P4HA1: variants seen among roughly 807,000 people sequenced by gnomAD.
P4HA1 encodes the protein prolyl 4-hydroxylase subunit alpha 1, also known as prolyl 4-hydroxylase subunit alpha-1.
Under a neutral mutation model 72.8 loss-of-function variants are expected in P4HA1, and 24 were observed. That is an observed-to-expected ratio of 0.33 (90% CI 0.24 to 0.46). P4HA1 has a LOEUF of 0.46. P4HA1 is among the 20% of genes least tolerant of loss of function. The probability of loss-of-function intolerance (pLI) is 1.00; values close to 1 mark genes in which losing one functional copy is unlikely to be tolerated. For missense variants in P4HA1, 446 were observed against 640.6 expected (o/e 0.70, Z 3.28); for synonymous variants, 201 against 218.8 (o/e 0.92, Z 0.72).
intron 7 of P4HA1, among the ~76,000 whole-genome samples, chr10:73,048,873 G>A (rs1045651062): frequency 2.0e-5 from 3 of 152,066 alleles, no homozygotes; most frequent in Non-Finnish European, 2.9e-5. Flanking sequence ...AGTGGCTCAC[G>A]CCTGTAATCC....
intron 9 of P4HA1, 82 bp downstream of exon 9, chr10:73,044,899 C>G: frequency 8.8e-7 from 1 of 1,131,484 alleles, no homozygotes; most frequent in South Asian, 1.4e-5. Flanking sequence ...GAAAATGACC[C>G]ACTTTCCTTA....
Position 73,073,687 on chromosome 10 carries a change from ATCCAGGTTGAGTCAGAGTCATAATAAGC to A in P4HA1, c.173+16_173+43del. 1.1e-6 allele frequency: 1 copy of A among 909,300 alleles called. No individual in the cohort carries two copies. Among genetic ancestry groups the A allele is most frequent in the East Asian group, 2.4e-5 (1 of 41,598 alleles). The allele number at this position is 909,300 out of a possible 1,614,324, so 56.3% of individuals were successfully genotyped here. ...AATATTTTAGCTTGAGAAAGAAAAC[ATCCAGGTTGAGTCAGAGTCATAATAAGC>A]AAACATTTTGCTTACTTTTTTATTT... is the stretch of plus-strand genomic sequence containing the variant. On this transcript the variant is annotated intron_variant, in intron 3 of 14. Coordinates refer to ENST00000394890, the MANE Select transcript of P4HA1 (RefSeq NM_001017962.3).
intron 10 of P4HA1, among the ~76,000 whole-genome samples, chr10:73,018,756 C>G (rs1344270238): frequency 6.6e-6 from 1 of 152,106 alleles, no homozygotes; most frequent in African/African-American, 2.4e-5. Flanking sequence ...TCCTCTCTTC[C>G]CTGGAGTTGG....
chr10:73,017,432 C>G (rs1840037341), intron 10 of P4HA1, among the ~76,000 whole-genome samples: 1 of 152,244 alleles, frequency 6.6e-6, no homozygotes, highest in East Asian at 1.9e-4. Flanking sequence ...CCTCCCACTT[C>G]AGCCTCCTGA....
intron 5 of P4HA1, among the ~76,000 whole-genome samples, chr10:73,056,772 T>C (rs555888685): frequency 5.1e-4 from 77 of 152,080 alleles, no homozygotes; most frequent in Non-Finnish European, 9.3e-4. Context: ...GGTTAAAATG[T>C]AGATTAAGGC....
chr10:73,091,304 C>CT (rs1041217434), intron 1 of P4HA1, among the ~76,000 whole-genome samples: 1 of 151,848 alleles, frequency 6.6e-6, no homozygotes, highest in East Asian at 1.9e-4. Flanking sequence ...GAAATACCAA[C>CT]TTTTTTTGTT....
chr10:73,066,070 T>C (rs1182065414), intron 5 of P4HA1, among the ~76,000 whole-genome samples: 2 of 152,222 alleles, frequency 1.3e-5, no homozygotes, highest in Non-Finnish European at 2.9e-5. Context: ...AGAATAGTCA[T>C]TACCTCTAAA....
At chr10:73,061,527 A>G (rs2133114304) in intron 5 of P4HA1, among the ~76,000 whole-genome samples, 1 of 152,356 alleles carries the variant, frequency 6.6e-6, no homozygotes, top group East Asian at 1.9e-4. Flanking sequence ...GAGAAATAAT[A>G]TTGACTGGGT....
intron 10 of P4HA1, among the ~76,000 whole-genome samples, chr10:73,023,553 T>A (rs888560514): frequency 6.6e-6 from 1 of 152,114 alleles, no homozygotes; most frequent in African/African-American, 2.4e-5. Context: ...TGCCAAATTA[T>A]AAAGACCATC....
chr10:73,017,441 G>A (rs1840037497), intron 10 of P4HA1, among the ~76,000 whole-genome samples: 2 of 152,002 alleles, frequency 1.3e-5, no homozygotes, highest in African/African-American at 4.8e-5. Flanking sequence ...TCAGCCTCCT[G>A]AGTAGCTGGG....
chr10:73,041,310 C>T (rs532934116), intron 9 of P4HA1, among the ~76,000 whole-genome samples: 8 of 152,064 alleles, frequency 5.3e-5, no homozygotes, highest in African/African-American at 1.7e-4. Flanking sequence ...TTTGGGAGGC[C>T]GAGGCAGGCG....
At chr10:73,048,626 A>G (rs1213322828) in intron 7 of P4HA1, among the ~76,000 whole-genome samples, 3 of 145,148 alleles carry the variant, frequency 2.1e-5, no homozygotes, top group South Asian at 2.2e-4. Flanking sequence ...CCGGGAAATT[A>G]GCAGACTCTT....
intron 1 of P4HA1, among the ~76,000 whole-genome samples, chr10:73,077,949 A>T (rs1841737812): frequency 6.6e-6 from 1 of 150,986 alleles, no homozygotes; most frequent in East Asian, 1.9e-4. Context: ...TGATCTTGTC[A>T]CTGCTCTCCA....
At position 73,068,978 on chromosome 10, in the gene P4HA1, T is replaced by G. The variant is rs143139888; in HGVS notation, c.331A>C (p.Ile111Leu). The G allele has an allele frequency of 5.0e-6, 8 of 1,609,952 alleles. No homozygotes were observed. The highest frequency in any genetic ancestry group is 6.8e-6 in the Non-Finnish European group (8 of 1,177,188). Residue 111 changes from isoleucine to leucine, a missense_variant, in exon 5 of 15, where the codon ATC becomes CTC. Coordinates refer to ENST00000394890, the MANE Select transcript of P4HA1 (RefSeq NM_001017962.3). ...TGTCTCTGAATGGTTAGGTTAGAGA[T>G]AAAGCCTTGAAATAGATAAATCAAA... ...LVLKDMSDGF[I>L]SNLTIQRQYF...
At chr10:73,044,600 T>C (rs1840810255) in intron 9 of P4HA1, among the ~76,000 whole-genome samples, 1 of 152,156 alleles carries the variant, frequency 6.6e-6, no homozygotes, top group Non-Finnish European at 1.5e-5. Context: ...TTTATGAATA[T>C]GAGAAAACTG....
intron 9 of P4HA1, among the ~76,000 whole-genome samples, chr10:73,038,872 C>T (rs1047145466): frequency 6.7e-6 from 1 of 149,854 alleles, no homozygotes. Context: ...GTGATCCGCC[C>T]GCCTCGGCCT....
At chr10:73,051,637 C>A (rs941951247) in intron 6 of P4HA1, among the ~76,000 whole-genome samples, 2 of 151,990 alleles carry the variant, frequency 1.3e-5, no homozygotes, top group Non-Finnish European at 2.9e-5. Context: ...TGGGTGCTTG[C>A]AATCCCAGCT....
At position 73,068,902 on chromosome 10, in the gene P4HA1, CG is replaced by C. The variant is rs1841486080; in HGVS notation, c.406del (p.Arg136ValfsTer21). ...DQVGAAKALL[R>X]LQDTYNLDTD... ...ATCCAAATTGTAGGTATCCTGGAGA[CG>C]TAACAGAGCTTTGGCTGCCCCAACC... On this transcript the variant is annotated frameshift_variant, in exon 5 of 15. Transcript: ENST00000394890. LOFTEE classifies it high-confidence loss of function. 1 of 1,611,510 alleles carries C rather than the reference CG, an allele frequency of 6.2e-7. No homozygotes were observed. Among genetic ancestry groups the C allele is most frequent in the Non-Finnish European group, 8.5e-7 (1 of 1,177,998 alleles).
At chr10:73,020,927 G>C (rs1840120310) in intron 10 of P4HA1, among the ~76,000 whole-genome samples, 1 of 152,152 alleles carries the variant, frequency 6.6e-6, no homozygotes, top group South Asian at 2.1e-4. Flanking sequence ...CTGAGGTCAG[G>C]AGTACGAGAC....
Sources: allele counts gnomAD v4.1 joint callset (sites outside exome capture counted in the v4.1 genomes callset), GRCh38; gene constraint gnomAD v4.1.1; transcripts MANE v1.5; gene names NCBI Gene and HGNC (gene_info 2026-07-23, HGNC 2026-07-21).